The following FOXP1 variants were observed in gnomAD, a reference collection of about 807,000 sequenced individuals.
FOXP1 encodes forkhead box protein P1.
A neutral mutation model predicts 98.2 loss-of-function variants in FOXP1; 15 were observed. The ratio of observed to expected loss-of-function variants is 0.15; its 90% CI spans 0.10 to 0.24. FOXP1 has a LOEUF of 0.24. FOXP1 is among the 10% of genes least tolerant of loss of function. The pLI, the probability that FOXP1 is intolerant of heterozygous loss-of-function variation, is 1.00. For missense variants in FOXP1, 633 were observed against 848.5 expected, an observed-to-expected ratio of 0.75 and a Z score of 3.15; for synonymous variants, 371 against 314.5, an observed-to-expected ratio of 1.18 and a Z score of -1.90.
chr3:71,502,021 C>T (rs2041417058), intron 2 of FOXP1, among the ~76,000 whole-genome samples: 1 of 152,186 alleles, frequency 6.6e-6, no homozygotes. Context: ...GCGTGACGCT[C>T]ATCAGGAAGG....
intron 11 of FOXP1, among the ~76,000 whole-genome samples, chr3:71,035,758 C>T (rs1350356658): frequency 6.6e-6 from 1 of 151,808 alleles, no homozygotes; most frequent in Non-Finnish European, 1.5e-5. Flanking sequence ...ACAAATTGTC[C>T]TCTGATTTTT....
chr3:71,294,777 G>A (rs1311554262), intron 5 of FOXP1, among the ~76,000 whole-genome samples: 1 of 152,122 alleles, frequency 6.6e-6, no homozygotes, highest in Non-Finnish European at 1.5e-5. Flanking sequence ...AGTTTGCTGG[G>A]CCTTATGACC....
intron 2 of FOXP1, among the ~76,000 whole-genome samples, chr3:71,557,445 C>T (rs1252101116): frequency 6.6e-6 from 1 of 151,786 alleles, no homozygotes; most frequent in Non-Finnish European, 1.5e-5. Flanking sequence ...AAAATACTGA[C>T]CACCCTGAGA....
intron 3 of FOXP1, among the ~76,000 whole-genome samples, chr3:71,475,559 T>A (rs552743746): frequency 5.9e-5 from 9 of 152,162 alleles, no homozygotes; most frequent in Admixed American, 5.9e-4. Context: ...AATGTAAAAA[T>A]GGGCCAGGCG....
At chr3:71,361,823 A>C (rs1346596059) in intron 3 of FOXP1, among the ~76,000 whole-genome samples, 2 of 152,200 alleles carry the variant, frequency 1.3e-5, no homozygotes, top group Non-Finnish European at 2.9e-5. Flanking sequence ...CTTAGCTTCC[A>C]TTTGTCTGAT....
chr3:71,340,935 T>A (rs940054640), intron 4 of FOXP1, among the ~76,000 whole-genome samples: 2 of 152,116 alleles, frequency 1.3e-5, no homozygotes, highest in Non-Finnish European at 2.9e-5. Context: ...TTTGAGAAAA[T>A]CTTCACCTAA....
chr3:71,540,941 T>G (rs1170564228), intron 2 of FOXP1, among the ~76,000 whole-genome samples: 2 of 152,166 alleles, frequency 1.3e-5, no homozygotes, highest in Non-Finnish European at 2.9e-5. Context: ...AGGAGAACAT[T>G]AACAAAAAGG....
Position 71,388,185 on chromosome 3 carries a change from A to G in FOXP1, c.-167-28941T>C, listed in dbSNP as rs890659744. Among the ~76,000 whole-genome samples the G allele has an allele frequency of 5.9e-5, 9 of 152,330 alleles. No individual in the cohort carries two copies. The South Asian group carries it at 8.3e-4, about 14-fold the overall frequency. The stretch of plus-strand genomic sequence containing the variant: ...TTTTAACTGTCGGCCTTATTTAAAG[A>G]ATGGCCTCTATATTTAACAGATTCC... On this transcript the variant is annotated intron_variant, in intron 3 of 20. Transcript: ENST00000649528.
chr3:71,538,224 G>C (rs1264836461), intron 2 of FOXP1, among the ~76,000 whole-genome samples: 1 of 152,170 alleles, frequency 6.6e-6, no homozygotes, highest in Non-Finnish European at 1.5e-5. Flanking sequence ...GAACTGAATG[G>C]ATTTTAGTAT....
intron 3 of FOXP1, among the ~76,000 whole-genome samples, chr3:71,438,141 C>T (rs143744210): frequency 4.6e-5 from 7 of 152,312 alleles, no homozygotes; most frequent in African/African-American, 1.2e-4. Context: ...CTAACATGTT[C>T]AGTTACGCAC....
intron 5 of FOXP1, among the ~76,000 whole-genome samples, chr3:71,204,251 C>T (rs1188155012): frequency 2.6e-5 from 4 of 152,112 alleles, no homozygotes; most frequent in African/African-American, 7.2e-5. Flanking sequence ...ATAAAGCATA[C>T]ATTTAGTTCT....
chr3:71,355,328 A>T (rs1219989374), intron 4 of FOXP1, among the ~76,000 whole-genome samples: 1 of 152,234 alleles, frequency 6.6e-6, no homozygotes, highest in Non-Finnish European at 1.5e-5. Flanking sequence ...CTTCTTGCTT[A>T]TTACCTGATA....
At chr3:71,415,154 T>C (rs2083112830) in intron 3 of FOXP1, among the ~76,000 whole-genome samples, 1 of 152,208 alleles carries the variant, frequency 6.6e-6, no homozygotes. Context: ...AAAGTAAGTA[T>C]GCAATACCCC....
intron 12 of FOXP1, among the ~76,000 whole-genome samples, chr3:71,003,438 C>A (rs536272554): frequency 6.7e-6 from 1 of 150,374 alleles, no homozygotes; most frequent in Non-Finnish European, 1.5e-5. Flanking sequence ...TTTTTTTTCC[C>A]ATAGCTTCAG....
chr3:71,561,521 G>A (rs866533345), intron 2 of FOXP1, among the ~76,000 whole-genome samples: 1 of 151,628 alleles, frequency 6.6e-6, no homozygotes, highest in Non-Finnish European at 1.5e-5. Context: ...CGAACTATGT[G>A]ACTGAGTAAG....
At chr3:71,506,537 T>C (rs1298749124) in intron 2 of FOXP1, among the ~76,000 whole-genome samples, 1 of 152,186 alleles carries the variant, frequency 6.6e-6, no homozygotes, top group Non-Finnish European at 1.5e-5. Context: ...GGTTCCACGG[T>C]ATCCTTCCCC....
chr3:71,449,056 C>T (rs946191758), intron 3 of FOXP1, among the ~76,000 whole-genome samples: 23 of 152,148 alleles, frequency 1.5e-4, no homozygotes, highest in African/African-American at 4.8e-4. Flanking sequence ...CCTGCCAATT[C>T]GGGGAAACTA....
chr3:71,155,958 C>A (rs777872367), intron 6 of FOXP1, among the ~76,000 whole-genome samples: 21 of 152,148 alleles, frequency 1.4e-4, no homozygotes, highest in Non-Finnish European at 2.6e-4. Context: ...GAAAACAAGC[C>A]CTTATTTGCT....
At chr3:71,227,835 A>G (rs1004652539) in intron 5 of FOXP1, among the ~76,000 whole-genome samples, 1 of 152,114 alleles carries the variant, frequency 6.6e-6, no homozygotes, top group Non-Finnish European at 1.5e-5. Context: ...TTTAATAAGC[A>G]GTAAGTAAAG....
Sources: allele counts gnomAD v4.1 joint callset (sites outside exome capture counted in the v4.1 genomes callset), GRCh38; gene constraint gnomAD v4.1.1; transcripts MANE v1.5; gene names NCBI Gene and HGNC (gene_info 2026-07-23, HGNC 2026-07-21).